Variants in EEPD1 observed in about 807,000 individuals in gnomAD.
EEPD1 encodes the protein endonuclease/exonuclease/phosphatase family domain containing 1.
EEPD1 carries 17 observed loss-of-function variants against 46.3 expected under a neutral mutation model. That is an observed-to-expected ratio of 0.37 (90% CI 0.25 to 0.55). The LOEUF is 0.55. EEPD1 is among the 20% of genes least tolerant of loss of function. EEPD1 has a pLI of 0.83. For synonymous variants in EEPD1, 313 were observed against 315.6 expected (o/e 0.99, Z 0.09); for missense variants, 673 against 745.6 (o/e 0.90, Z 1.13).
chr7:36,162,905 G>A (rs985010447), intron 2 of EEPD1, among the ~76,000 whole-genome samples: 3 of 152,164 alleles, frequency 2.0e-5, no homozygotes, highest in African/African-American at 7.2e-5. Flanking sequence ...ACATGCTTTG[G>A]ATGTTCTACG....
intron 2 of EEPD1, among the ~76,000 whole-genome samples, chr7:36,163,485 T>G (rs1287750855): frequency 6.6e-6 from 1 of 152,130 alleles, no homozygotes. Flanking sequence ...ACAGAAGAGA[T>G]GGCTCAGCGA....
Position 36,266,719 on chromosome 7 carries a change from A to G in EEPD1, c.931-14396A>G, listed in dbSNP as rs563642219. Among the ~76,000 whole-genome samples, 64 of 152,272 alleles carry G rather than the reference A, an allele frequency of 4.2e-4. 1 individual carries two copies. Among genetic ancestry groups the G allele is most frequent in the African/African-American group, 1.3e-3 (55 of 41,538 alleles). On this transcript the variant is annotated intron_variant, in intron 3 of 7. Coordinates refer to ENST00000242108, the MANE Select transcript of EEPD1 (RefSeq NM_030636.3). Reference sequence around the variant, plus strand: ...CCAAAAAGGAAACCTCAAACCTACTAAACAGTCACTCCCCCTTCCCCTCTT... The same window carrying G: ...CCAAAAAGGAAACCTCAAACCTACTGAACAGTCACTCCCCCTTCCCCTCTT...
chr7:36,255,086 TTGCCTGTTCACTC>T (rs1168051854), intron 3 of EEPD1, among the ~76,000 whole-genome samples: 3 of 152,214 alleles, frequency 2.0e-5, no homozygotes, highest in African/African-American at 7.2e-5. Context: ...ATTCTGTAGG[TTGCCTGTTCACTC>T]TGATGATAGT....
intron 3 of EEPD1, among the ~76,000 whole-genome samples, chr7:36,269,627 G>A (rs777924689): frequency 5.9e-5 from 9 of 152,156 alleles, no homozygotes; most frequent in Non-Finnish European, 8.8e-5. Context: ...TGGGTGCGGT[G>A]GCTCACGCCC....
rs1787583100 is a variant in EEPD1 at position 36,299,510 on chromosome 7, A to C, written c.*304A>C. The C allele has an allele frequency of 2.3e-6, 1 of 426,904 alleles. No homozygotes were observed. The highest frequency in any genetic ancestry group is 3.1e-5 in the South Asian group (1 of 32,512). The allele number at this position is 426,904 out of a possible 1,614,324, so 26.4% of individuals were successfully genotyped here. A position where few individuals can be genotyped will look rare whatever the true frequency, so the allele number is the denominator to read the frequency against. On this transcript the variant is annotated 3_prime_UTR_variant, in exon 8 of 8. Transcript: ENST00000242108. ...GGCTGTCCGCTGCTGACTGGATGGC[A>C]GCACAAAGACAATATGAGCAGAGGG...
At chr7:36,209,054 T>A (rs1174782660) in intron 2 of EEPD1, among the ~76,000 whole-genome samples, 3 of 152,174 alleles carry the variant, frequency 2.0e-5, no homozygotes, top group African/African-American at 7.2e-5. Context: ...GTGCAACCAT[T>A]TCTGTGCCTC....
chr7:36,279,912 C>A (rs1787234881), intron 3 of EEPD1, among the ~76,000 whole-genome samples: 3 of 152,188 alleles, frequency 2.0e-5, no homozygotes, highest in Admixed American at 2.0e-4. Flanking sequence ...CAGTGACGGA[C>A]TTCTTAGAAG....
At chr7:36,212,411 A>G (rs1285223142) in intron 2 of EEPD1, among the ~76,000 whole-genome samples, 1 of 151,642 alleles carries the variant, frequency 6.6e-6, no homozygotes, top group Admixed American at 6.6e-5. Flanking sequence ...ATATATATGC[A>G]AAGATATTCA....
chr7:36,188,963 C>A (rs1484133650), intron 2 of EEPD1, among the ~76,000 whole-genome samples: 1 of 152,176 alleles, frequency 6.6e-6, no homozygotes, highest in Non-Finnish European at 1.5e-5. Flanking sequence ...ATATTGATTT[C>A]TACATTTAAA....
chr7:36,205,337 G>T (rs577389216), intron 2 of EEPD1, among the ~76,000 whole-genome samples: 1 of 152,340 alleles, frequency 6.6e-6, no homozygotes, highest in South Asian at 2.1e-4. Flanking sequence ...TGTATAAATA[G>T]AATCATTTAA....
chr7:36,255,776 G>T lies in EEPD1; in HGVS notation c.930+16740G>T, dbSNP rs150054347. Among the ~76,000 whole-genome samples, 1,018 of 152,208 alleles carry T rather than the reference G, an allele frequency of 6.7e-3. 16 individuals carry two copies. The highest frequency in any genetic ancestry group is 0.023 in the African/African-American group (969 of 41,510). On this transcript the variant is annotated intron_variant, in intron 3 of 7. Transcript: ENST00000242108. The stretch of plus-strand genomic sequence containing the variant: ...TTTTGTTAATCTTTTCAAAAAACCA[G>T]CTCCTGGATTCATTGATTCTTTGAA...
intron 3 of EEPD1, among the ~76,000 whole-genome samples, chr7:36,253,902 G>T (rs1786785576): frequency 6.6e-6 from 1 of 151,896 alleles, no homozygotes; most frequent in Non-Finnish European, 1.5e-5. Context: ...CTTTTTATTG[G>T]ATTGTTTAGT....
At chr7:36,289,936 G>A (rs1168684730) in intron 6 of EEPD1, among the ~76,000 whole-genome samples, 1 of 152,226 alleles carries the variant, frequency 6.6e-6, no homozygotes, top group Non-Finnish European at 1.5e-5. Context: ...TGTGAAGATT[G>A]ATGTGCAGCA....
At chr7:36,155,314 T>G in intron 2 of EEPD1, 112 bp downstream of exon 2, 1 of 1,271,092 alleles carries the variant, frequency 7.9e-7, no homozygotes, top group Non-Finnish European at 1.0e-6. Context: ...GCAAGAGTTT[T>G]TAATCAATGT....
chr7:36,164,820 ATG>A (rs1412573013), intron 2 of EEPD1, among the ~76,000 whole-genome samples: 1 of 152,216 alleles, frequency 6.6e-6, no homozygotes, highest in African/African-American at 2.4e-5. Context: ...GCCTAGGATA[ATG>A]TGTGTGTGTC....
At chr7:36,200,749 G>A (rs983636316) in intron 2 of EEPD1, among the ~76,000 whole-genome samples, 1 of 152,060 alleles carries the variant, frequency 6.6e-6, no homozygotes, top group Non-Finnish European at 1.5e-5. Context: ...GTGGTTGCCG[G>A]CTCCACGTTA....
chr7:36,261,350 C>G (rs774830896), intron 3 of EEPD1, among the ~76,000 whole-genome samples: 2 of 152,160 alleles, frequency 1.3e-5, no homozygotes, highest in Non-Finnish European at 2.9e-5. Context: ...TGGGTATATC[C>G]TAAGCACTTT....
At chr7:36,181,499 G>GA (rs746266479) in intron 2 of EEPD1, among the ~76,000 whole-genome samples, 12 of 152,288 alleles carry the variant, frequency 7.9e-5, no homozygotes, top group Admixed American at 6.5e-4. Context: ...CTAGGAGGCA[G>GA]AAAAAACAGT....
At chr7:36,198,342 G>GAAAAAAAAAAAAAAAAAAAAAAAAAA (rs1361024411) in intron 2 of EEPD1, among the ~76,000 whole-genome samples, 5 of 33,100 alleles carry the variant, frequency 1.5e-4, no homozygotes, top group Admixed American at 4.2e-4. Context: ...AAAAAGAAAA[G>GAAAAAAAAAAAAAAAAAAAAAAAAAA]AAAAAAAAAA....
Sources: gnomAD v4.1 joint callset for allele counts (sites outside exome capture counted in the v4.1 genomes callset) on GRCh38, gnomAD v4.1.1 for gene constraint, MANE v1.5 for transcripts, NCBI Gene and HGNC (gene_info 2026-07-23, HGNC 2026-07-21) for gene names.